Variants in FBXO34 observed in about 807,000 individuals in gnomAD.
FBXO34 encodes F-box protein 34.
In FBXO34, 12 loss-of-function variants were observed where a neutral mutation model predicts 24.5. The ratio of observed to expected loss-of-function variants is 0.49; its 90% CI spans 0.31 to 0.79. The LOEUF (loss-of-function observed/expected upper bound fraction) is 0.79, where lower values mean the gene tolerates loss of function less well. FBXO34 is among the 30% of genes least tolerant of loss of function. The pLI is 0.04. For synonymous variants in FBXO34, 320 were observed against 311.9 expected, an observed-to-expected ratio of 1.03 and a Z score of -0.27; for missense variants, 823 against 857.7, an observed-to-expected ratio of 0.96 and a Z score of 0.51.
At chr14:55,434,352 A>G in the FBXO34 span, among the ~76,000 whole-genome samples, 1 of 152,214 alleles carries the variant, frequency 6.6e-6, no homozygotes, top group African/African-American at 2.4e-5. Flanking sequence ...TCGTGAGGGT[A>G]GGGAACCTCT....
downstream of FBXO34, among the ~76,000 whole-genome samples, chr14:55,356,923 AT>A (rs1175225448): frequency 2.0e-5 from 3 of 151,876 alleles, no homozygotes; most frequent in African/African-American, 2.4e-5. Context: ...TAATTTTTGT[AT>A]TTTTTTGTGG....
intron 1 of FBXO34, among the ~76,000 whole-genome samples, chr14:55,337,917 G>A (rs192845738): frequency 1.1e-3 from 175 of 152,214 alleles, no homozygotes; most frequent in Non-Finnish European, 1.3e-3. Context: ...AGTGGTAAGA[G>A]CGTAGGCTTT....
chr14:55,355,809 G>T (rs1884514719), downstream of FBXO34, among the ~76,000 whole-genome samples: 1 of 152,186 alleles, frequency 6.6e-6, no homozygotes, highest in African/African-American at 2.4e-5. Flanking sequence ...CCTCTCGAGT[G>T]ACCATTTTAA....
At chr14:55,307,071 T>C (rs1238813086) in intron 1 of FBXO34, among the ~76,000 whole-genome samples, 1 of 152,238 alleles carries the variant, frequency 6.6e-6, no homozygotes, top group East Asian at 1.9e-4. Flanking sequence ...GTAAGACTGA[T>C]TGTTCTGAAT....
At chr14:55,330,755 C>T (rs1883506491) in intron 1 of FBXO34, among the ~76,000 whole-genome samples, 1 of 152,214 alleles carries the variant, frequency 6.6e-6, no homozygotes, top group African/African-American at 2.4e-5. Context: ...CACGCCACTG[C>T]ACTCGGCCTG....
intron 1 of FBXO34, among the ~76,000 whole-genome samples, chr14:55,349,537 A>G (rs1356430144): frequency 2.0e-5 from 3 of 152,126 alleles, no homozygotes; most frequent in Non-Finnish European, 2.9e-5. Context: ...CAGGAAGCAA[A>G]TGAAAAATTG....
downstream of FBXO34, among the ~76,000 whole-genome samples, chr14:55,357,352 A>C (rs911394572): frequency 6.6e-6 from 1 of 152,234 alleles, no homozygotes; most frequent in East Asian, 1.9e-4. Flanking sequence ...ATGTTCCTCT[A>C]TCTGCAAAGC....
At chr14:55,406,092 T>C in the FBXO34 span, among the ~76,000 whole-genome samples, 1 of 152,206 alleles carries the variant, frequency 6.6e-6, no homozygotes, top group Non-Finnish European at 1.5e-5. Context: ...TCCCCAAAAG[T>C]AAAGACACAT....
chr14:55,376,799 T>C, the FBXO34 span, among the ~76,000 whole-genome samples: 3 of 152,060 alleles, frequency 2.0e-5, no homozygotes, highest in Non-Finnish European at 4.4e-5. Context: ...TCTGCAGAAA[T>C]GTATGGACAG....
the FBXO34 span, among the ~76,000 whole-genome samples, chr14:55,379,116 G>A: frequency 6.6e-6 from 1 of 152,210 alleles, no homozygotes. Flanking sequence ...TGAGCTCCAA[G>A]AGGGCAAGGA....
At chr14:55,293,938 T>C (rs962394696) in intron 1 of FBXO34, among the ~76,000 whole-genome samples, 1 of 152,160 alleles carries the variant, frequency 6.6e-6, no homozygotes, top group Non-Finnish European at 1.5e-5. Flanking sequence ...TGTTAGGTAT[T>C]GGTGGTGGTG....
the FBXO34 span, among the ~76,000 whole-genome samples, chr14:55,421,723 A>G: frequency 6.6e-6 from 1 of 152,160 alleles, no homozygotes; most frequent in Non-Finnish European, 1.5e-5. Flanking sequence ...TCAATTTCCC[A>G]AAGTGCTGGG....
At chr14:55,399,219 A>G in the FBXO34 span, among the ~76,000 whole-genome samples, 2 of 152,254 alleles carry the variant, frequency 1.3e-5, no homozygotes, top group African/African-American at 4.8e-5. Context: ...CAAATAGGCA[A>G]TATTATATGT....
chr14:55,279,510 G>A (rs1237256506), intron 1 of FBXO34, among the ~76,000 whole-genome samples: 1 of 152,174 alleles, frequency 6.6e-6, no homozygotes, highest in Non-Finnish European at 1.5e-5. Context: ...ATTTCAGTTA[G>A]AGGTTAAAGT....
intron 1 of FBXO34, among the ~76,000 whole-genome samples, chr14:55,343,326 A>T (rs1884054102): frequency 6.8e-6 from 1 of 147,384 alleles, no homozygotes; most frequent in Admixed American, 7.0e-5. Context: ...GCCTCAGCTC[A>T]CTGCAACCTC....
intron 1 of FBXO34, among the ~76,000 whole-genome samples, chr14:55,319,091 C>T (rs1172478094): frequency 6.6e-6 from 1 of 152,056 alleles, no homozygotes; most frequent in Admixed American, 6.6e-5. Flanking sequence ...GGAAAATTTG[C>T]CTATTATTCC....
At chr14:55,279,456 T>C (rs1566537839) in intron 1 of FBXO34, among the ~76,000 whole-genome samples, 1 of 152,196 alleles carries the variant, frequency 6.6e-6, no homozygotes, top group Non-Finnish European at 1.5e-5. Flanking sequence ...AATATAATAC[T>C]ATTGTGGTGT....
chr14:55,385,036 G>A, the FBXO34 span, among the ~76,000 whole-genome samples: 1 of 152,200 alleles, frequency 6.6e-6, no homozygotes, highest in Non-Finnish European at 1.5e-5. Flanking sequence ...CGAAGTCACG[G>A]TATTCAGTGC....
intron 1 of FBXO34, among the ~76,000 whole-genome samples, chr14:55,324,253 G>C (rs898797473): frequency 5.9e-5 from 9 of 152,186 alleles, no homozygotes; most frequent in Admixed American, 5.9e-4. Flanking sequence ...CCATGTTGTA[G>C]TGGATATCAG....
Sources: gnomAD v4.1 joint callset for allele counts (sites outside exome capture counted in the v4.1 genomes callset) on GRCh38, gnomAD v4.1.1 for gene constraint, MANE v1.5 for transcripts, NCBI Gene and HGNC (gene_info 2026-07-23, HGNC 2026-07-21) for gene names.